Variants in SGCZ observed in about 807,000 individuals in gnomAD.
SGCZ encodes zeta-sarcoglycan.
In SGCZ, 40 loss-of-function variants were observed where a neutral mutation model predicts 41.3. The observed-to-expected ratio is 0.97, with a 90% confidence interval of 0.75 to 1.26. SGCZ has a LOEUF of 1.26. SGCZ is among the 50% of genes most tolerant of loss of function. The probability of loss-of-function intolerance (pLI) is 0.00; values close to 1 mark genes in which losing one functional copy is unlikely to be tolerated. For missense variants in SGCZ, 552 were observed against 369.8 expected (o/e 1.49, Z -4.04); for synonymous variants, 206 against 137.5 (o/e 1.50, Z -3.49).
chr8:15,042,847 G>A (rs1804157758), intron 1 of SGCZ, among the ~76,000 whole-genome samples: 1 of 152,134 alleles, frequency 6.6e-6, no homozygotes, highest in Admixed American at 6.5e-5. Flanking sequence ...CTTCCCACTT[G>A]CAGAAAAAGA....
At position 15,132,805 on chromosome 8, in the gene SGCZ, A is replaced by T. The variant is rs113337276; in HGVS notation, c.39+104780T>A. ...CTCTTTCTCATTTGAGAGCCTGTTC[A>T]CCACCATACCATTGCTAAGACCTTC... On this transcript the variant is annotated intron_variant, in intron 1 of 7. Transcript: ENST00000382080. Among the ~76,000 whole-genome samples, 1,242 of 152,266 alleles carry T rather than the reference A, an allele frequency of 8.2e-3. 13 individuals carry two copies. The highest frequency in any genetic ancestry group is 0.027 in the Middle Eastern group (8 of 294).
chr8:14,325,187 T>C (rs1333114436), intron 2 of SGCZ, among the ~76,000 whole-genome samples: 1 of 152,150 alleles, frequency 6.6e-6, no homozygotes, highest in Non-Finnish European at 1.5e-5. Context: ...CTGGCAGAAG[T>C]ACTGTTTAGG....
chr8:14,184,413 T>G (rs1056905765), intron 4 of SGCZ, among the ~76,000 whole-genome samples: 1 of 152,188 alleles, frequency 6.6e-6, no homozygotes, highest in African/African-American at 2.4e-5. Flanking sequence ...GAGTATTAAT[T>G]ATCAATCAAT....
intron 1 of SGCZ, among the ~76,000 whole-genome samples, chr8:14,906,930 A>C (rs961131192): frequency 6.6e-6 from 1 of 152,240 alleles, no homozygotes; most frequent in African/African-American, 2.4e-5. Context: ...TTTCAAATAC[A>C]TATACTTTAA....
At chr8:14,505,821 G>A (rs375288767) in intron 2 of SGCZ, among the ~76,000 whole-genome samples, 8 of 152,146 alleles carry the variant, frequency 5.3e-5, no homozygotes, top group African/African-American at 1.7e-4. Flanking sequence ...CTATAATGGT[G>A]AACTTCTTAG....
intron 1 of SGCZ, among the ~76,000 whole-genome samples, chr8:14,603,971 T>C (rs1304439633): frequency 6.6e-6 from 1 of 152,142 alleles, no homozygotes; most frequent in Non-Finnish European, 1.5e-5. Flanking sequence ...ACACTGTTAC[T>C]ATGTGAAAAA....
chr8:15,216,231 T>C (rs547080195), intron 1 of SGCZ, among the ~76,000 whole-genome samples: 1 of 148,508 alleles, frequency 6.7e-6, no homozygotes, highest in Non-Finnish European at 1.5e-5. Context: ...TTCTTTTTTT[T>C]TTTTTTTTGA....
chr8:15,157,447 A>G (rs1477647710), intron 1 of SGCZ, among the ~76,000 whole-genome samples: 1 of 151,534 alleles, frequency 6.6e-6, no homozygotes, highest in Non-Finnish European at 1.5e-5. Flanking sequence ...GTAGCCCGTA[A>G]TTTTTTTCAT....
At chr8:14,644,272 A>T (rs1322813826) in intron 1 of SGCZ, among the ~76,000 whole-genome samples, 1 of 151,722 alleles carries the variant, frequency 6.6e-6, no homozygotes, top group Non-Finnish European at 1.5e-5. Flanking sequence ...TAAAGTGAGT[A>T]GAGCTTGTAC....
At chr8:14,260,278 C>G (rs13270188) in intron 3 of SGCZ, among the ~76,000 whole-genome samples, 37,240 of 150,618 alleles carry the variant, frequency 0.25, 5,952 homozygotes, top group Non-Finnish European at 0.36. Flanking sequence ...CATCAAAAAG[C>G]GGGCGAAGGA....
At chr8:14,445,553 G>T (rs182516652) in intron 2 of SGCZ, among the ~76,000 whole-genome samples, 3 of 152,188 alleles carry the variant, frequency 2.0e-5, no homozygotes, top group South Asian at 2.1e-4. Flanking sequence ...CCCTTCTCCA[G>T]CTGCCCTCTC....
At chr8:14,932,007 A>G (rs963289596) in intron 1 of SGCZ, among the ~76,000 whole-genome samples, 2 of 151,992 alleles carry the variant, frequency 1.3e-5, no homozygotes, top group Admixed American at 6.5e-5. Flanking sequence ...ATAATTAAAT[A>G]TACAATTTGT....
intron 3 of SGCZ, among the ~76,000 whole-genome samples, chr8:14,239,614 G>C (rs764143643): frequency 6.6e-6 from 1 of 152,078 alleles, no homozygotes; most frequent in Admixed American, 6.6e-5. Context: ...TATAGACTAT[G>C]TAAGTATATT....
intron 1 of SGCZ, among the ~76,000 whole-genome samples, chr8:14,912,315 C>T (rs997384563): frequency 7.2e-5 from 11 of 151,778 alleles, no homozygotes; most frequent in Non-Finnish European, 1.5e-4. Context: ...ATGAGCCCTA[C>T]CCAAAATGAC....
chr8:14,870,832 T>C (rs753385113), intron 1 of SGCZ, among the ~76,000 whole-genome samples: 7 of 151,970 alleles, frequency 4.6e-5, no homozygotes, highest in African/African-American at 9.7e-5. Flanking sequence ...ACAAGGCTCA[T>C]CATCACTGGT....
Position 14,090,348 on chromosome 8 carries a change from A to C in SGCZ, c.*95T>G, listed in dbSNP as rs967000672. 43 of 1,327,436 alleles carry C rather than the reference A, an allele frequency of 3.2e-5. 1 individual carries two copies. In the African/African-American group the frequency reaches 4.3e-4, roughly 13 times the overall value. 82.2% of individuals were successfully genotyped at this position (1,327,436 alleles called of 1,614,324 possible). A position where few individuals can be genotyped will look rare whatever the true frequency, so the allele number is the denominator to read the frequency against. ...AAGTTGCTCTGTGGACCATTCGAAG[A>C]AGCTCTGGACTGATCACAAGGGAAA... On this transcript the variant is annotated 3_prime_UTR_variant, in exon 8 of 8. Coordinates refer to ENST00000382080, the MANE Select transcript of SGCZ (RefSeq NM_139167.4).
At chr8:14,594,583 A>G (rs1306423869) in intron 1 of SGCZ, among the ~76,000 whole-genome samples, 5 of 150,516 alleles carry the variant, frequency 3.3e-5, no homozygotes, top group African/African-American at 1.3e-4. Flanking sequence ...CAAGCAGTTT[A>G]TGTCTATGGT....
At chr8:15,060,077 G>A (rs1018305276) in intron 1 of SGCZ, among the ~76,000 whole-genome samples, 1 of 152,028 alleles carries the variant, frequency 6.6e-6, no homozygotes, top group South Asian at 2.1e-4. Context: ...TCTCCCTTTG[G>A]GAACTAGTTC....
intron 2 of SGCZ, among the ~76,000 whole-genome samples, chr8:14,370,598 CTATTTAT>C (rs1803875979): frequency 6.6e-6 from 1 of 151,756 alleles, no homozygotes; most frequent in East Asian, 1.9e-4. Context: ...TAAGTATTTT[CTATTTAT>C]ATTCATATAT....
Sources: allele counts gnomAD v4.1 joint callset (sites outside exome capture counted in the v4.1 genomes callset), GRCh38; gene constraint gnomAD v4.1.1; transcripts MANE v1.5; gene names NCBI Gene and HGNC (gene_info 2026-07-23, HGNC 2026-07-21).